The following SPIRE1 variants were observed in gnomAD, a reference collection of about 807,000 sequenced individuals.
The protein encoded by SPIRE1 is protein spire homolog 1.
Under a neutral mutation model 94.1 loss-of-function variants are expected in SPIRE1, and 40 were observed. The ratio of observed to expected loss-of-function variants is 0.43; its 90% CI spans 0.33 to 0.55. The LOEUF (loss-of-function observed/expected upper bound fraction) is 0.55, where lower values mean the gene tolerates loss of function less well. Ranked by LOEUF, SPIRE1 falls within the 20% of genes least tolerant of loss-of-function variation. The pLI is 0.06. For missense variants in SPIRE1, 838 were observed against 975.2 expected (o/e 0.86, Z 1.87); for synonymous variants, 376 against 371.7 (o/e 1.01, Z -0.13).
chr18:12,559,253 C>G lies in SPIRE1; in HGVS notation c.373-12349G>C, dbSNP rs1256730847. 6.6e-6 allele frequency among the ~76,000 whole-genome samples: 1 copy of G among 152,136 alleles called. No individual in the cohort carries two copies. Among genetic ancestry groups the G allele is most frequent in the Non-Finnish European group, 1.5e-5 (1 of 67,992 alleles). On this transcript the variant is annotated intron_variant, in intron 2 of 16. Transcript: ENST00000409402. This position sits in a 1 kb window ranked among gnomAD's most constrained non-coding sequence, Gnocchi z 4.7. ...TGCCCCGCAGGGAGGCAGCTGAGGCCTAGTGAGAATTCGAGCACAGTGCAG... is the reference window on the plus strand; with the variant it reads ...TGCCCCGCAGGGAGGCAGCTGAGGCGTAGTGAGAATTCGAGCACAGTGCAG...
chr18:12,591,236 A>T (rs566846375), intron 2 of SPIRE1, among the ~76,000 whole-genome samples: 87 of 152,294 alleles, frequency 5.7e-4, no homozygotes, highest in African/African-American at 1.9e-3. Flanking sequence ...AGGGAAAGAG[A>T]GTTTCAGGCA....
At chr18:12,574,589 A>G (rs1402913407) in intron 2 of SPIRE1, among the ~76,000 whole-genome samples, 1 of 152,240 alleles carries the variant, frequency 6.6e-6, no homozygotes, top group Non-Finnish European at 1.5e-5. Flanking sequence ...GGGAAATATA[A>G]TCACAGACAC....
At chr18:12,562,464 T>A (rs564419513) in intron 2 of SPIRE1, among the ~76,000 whole-genome samples, 25 of 148,284 alleles carry the variant, frequency 1.7e-4, no homozygotes, top group African/African-American at 5.8e-4. Context: ...TTTATTTTAT[T>A]TTCTTAACAT....
chr18:12,547,061 T>G (rs2035194651), intron 2 of SPIRE1, among the ~76,000 whole-genome samples, 157 bp from the exon 3 acceptor site: 1 of 152,202 alleles, frequency 6.6e-6, no homozygotes, highest in African/African-American at 2.4e-5. Context: ...TACTTTGTGT[T>G]AAAATTTGTA....
At chr18:12,586,781 A>G (rs1466667542) in intron 2 of SPIRE1, among the ~76,000 whole-genome samples, 2 of 152,220 alleles carry the variant, frequency 1.3e-5, no homozygotes, top group Non-Finnish European at 1.5e-5. Context: ...TGGTAACTCT[A>G]AGCTCTGAAC....
At chr18:12,454,210 T>G in intron 13 of SPIRE1, 136 bp downstream of exon 13, 1 of 998,218 alleles carries the variant, frequency 1.0e-6, no homozygotes. Context: ...TACTGTCTAC[T>G]AGGATATGAA....
At position 12,448,234 on chromosome 18, in the gene SPIRE1, A is replaced by G. The variant is rs2031039424; in HGVS notation, c.*1404T>C. On this transcript the variant is annotated 3_prime_UTR_variant, in exon 17 of 17. Coordinates refer to ENST00000409402, the MANE Select transcript of SPIRE1 (RefSeq NM_001128626.2). The surrounding 1 kb of genome is among the most constrained non-coding windows in gnomAD (Gnocchi z 4.4). Reference sequence around the variant, plus strand: ...AGTTTTGAGGTATTACTGTTAATTTAGTATAGAAATGTTACTGTATTTTGA... The same window carrying G: ...AGTTTTGAGGTATTACTGTTAATTTGGTATAGAAATGTTACTGTATTTTGA... The G allele has an allele frequency of 6.6e-6, 1 of 152,644 alleles. No individual in the cohort carries two copies. Among genetic ancestry groups the G allele is most frequent in the African/African-American group, 2.4e-5 (1 of 41,456 alleles). The allele number at this position is 152,644 out of a possible 1,614,324, so 9.5% of individuals were successfully genotyped here. A position where few individuals can be genotyped will look rare whatever the true frequency, so the allele number is the denominator to read the frequency against.
intron 2 of SPIRE1, among the ~76,000 whole-genome samples, chr18:12,576,725 TA>T (rs1210989787): frequency 1.4e-5 from 2 of 147,556 alleles, no homozygotes; most frequent in Admixed American, 1.4e-4. Context: ...CCGTCTCTAC[TA>T]AAAATACAAA....
intron 2 of SPIRE1, among the ~76,000 whole-genome samples, chr18:12,582,705 C>A (rs886426202): frequency 6.6e-6 from 1 of 152,174 alleles, no homozygotes; most frequent in East Asian, 1.9e-4. Flanking sequence ...ATCAAAATCT[C>A]CAGAGCATGG....
intron 7 of SPIRE1, among the ~76,000 whole-genome samples, chr18:12,495,493 T>C (rs2033424626): frequency 6.6e-6 from 1 of 152,074 alleles, no homozygotes; most frequent in Non-Finnish European, 1.5e-5. Flanking sequence ...ATCTAGGAGG[T>C]ATATGACCAG....
chr18:12,640,539 T>C (rs2038056986), intron 1 of SPIRE1, among the ~76,000 whole-genome samples: 1 of 152,238 alleles, frequency 6.6e-6, no homozygotes, highest in African/African-American at 2.4e-5. Flanking sequence ...AAGGCTTACA[T>C]TTTATTGAAC....
At chr18:12,452,153 T>C in intron 16 of SPIRE1, 102 bp downstream of exon 16, 2 of 1,433,438 alleles carry the variant, frequency 1.4e-6, no homozygotes, top group Non-Finnish European at 1.9e-6. Flanking sequence ...AACAAACCAA[T>C]AAAAACCCCT....
intron 4 of SPIRE1, among the ~76,000 whole-genome samples, chr18:12,523,361 A>T (rs1326323235): frequency 1.3e-5 from 2 of 152,234 alleles, no homozygotes; most frequent in Non-Finnish European, 2.9e-5. Flanking sequence ...CCTGGTGATG[A>T]TGCTGTGCAC....
At chr18:12,463,702 GA>G (rs1236434804) in intron 11 of SPIRE1, among the ~76,000 whole-genome samples, 2 of 151,952 alleles carry the variant, frequency 1.3e-5, no homozygotes, top group Non-Finnish European at 2.9e-5. Context: ...GAAATAGCAA[GA>G]AAAAAGGAAA....
intron 8 of SPIRE1, among the ~76,000 whole-genome samples, chr18:12,490,452 G>C (rs1166203142): frequency 6.6e-6 from 1 of 152,056 alleles, no homozygotes; most frequent in African/African-American, 2.4e-5. Context: ...CTGAAGATGA[G>C]AGAACACTTC....
At chr18:12,525,542 G>GA (rs1032373412) in intron 4 of SPIRE1, among the ~76,000 whole-genome samples, 6 of 150,508 alleles carry the variant, frequency 4.0e-5, no homozygotes, top group African/African-American at 7.3e-5. Context: ...GCTGCTTTTA[G>GA]AAAAAAAAAG....
chr18:12,600,787 G>A (rs920168276), intron 2 of SPIRE1, among the ~76,000 whole-genome samples: 15 of 151,834 alleles, frequency 9.9e-5, no homozygotes, highest in Admixed American at 7.2e-4. Context: ...CAGTGGCGCC[G>A]TTTCAGTGAA....
At chr18:12,512,377 ACT>A (rs953193978) in intron 5 of SPIRE1, 75 bp downstream of exon 5, 13 of 992,912 alleles carry the variant, frequency 1.3e-5, no homozygotes, top group Non-Finnish European at 1.8e-5. Context: ...ACAGAATGAG[ACT>A]CTGTCTCAAA....
chr18:12,514,525 G>A (rs1485966004), intron 4 of SPIRE1, among the ~76,000 whole-genome samples: 1 of 151,866 alleles, frequency 6.6e-6, no homozygotes, highest in Non-Finnish European at 1.5e-5. Context: ...TAGAATAGGT[G>A]CTTAGTAAAT....
Sources: allele counts gnomAD v4.1 joint callset (sites outside exome capture counted in the v4.1 genomes callset), GRCh38; gene constraint gnomAD v4.1.1; non-coding constraint Gnocchi (gnomAD v3.1); transcripts MANE v1.5; gene names NCBI Gene and HGNC (gene_info 2026-07-23, HGNC 2026-07-21).